Variants in ADAMTS9 observed in about 807,000 individuals in gnomAD.
The protein encoded by ADAMTS9 is ADAM metallopeptidase with thrombospondin type 1 motif 9.
ADAMTS9 carries 107 observed loss-of-function variants against 257.1 expected under a neutral mutation model. That is an observed-to-expected ratio of 0.42 (90% confidence interval 0.36 to 0.49). The LOEUF (loss-of-function observed/expected upper bound fraction) is 0.49, where lower values mean the gene tolerates loss of function less well. Ranked by LOEUF, ADAMTS9 falls within the 20% of genes least tolerant of loss-of-function variation. ADAMTS9 has a pLI of 0.03. For synonymous variants in ADAMTS9, 982 were observed against 880.9 expected, an observed-to-expected ratio of 1.11 and a Z score of -2.03; for missense variants, 2,353 against 2,469.1, an observed-to-expected ratio of 0.95 and a Z score of 1.00.
intron 22 of ADAMTS9, among the ~76,000 whole-genome samples, chr3:64,608,311 G>C (rs1462828633): frequency 6.8e-6 from 1 of 146,320 alleles, no homozygotes; most frequent in Non-Finnish European, 1.5e-5. Flanking sequence ...GATTAGAATG[G>C]AGATAAATGA....
rs1185928594 is a variant in ADAMTS9, at chr3:64,631,352, C to T, written c.2389+103G>A. ...CCACTTATTTTATGAAAATCCATGACATCTGAAAGCTCTGCCTCTGCATGC... is the reference window on the plus strand; with the variant it reads ...CCACTTATTTTATGAAAATCCATGATATCTGAAAGCTCTGCCTCTGCATGC... On this transcript the variant is annotated intron_variant, in intron 16 of 39. Coordinates refer to ENST00000498707, the MANE Select transcript of ADAMTS9 (RefSeq NM_182920.2). 3 of 892,118 alleles carry T rather than the reference C, an allele frequency of 3.4e-6. No homozygotes were observed. The African/African-American group carries it at 5.0e-5, about 15-fold the overall frequency. The allele number at this position is 892,118 out of a possible 1,614,324, so 55.3% of individuals were successfully genotyped here.
intron 19 of ADAMTS9, among the ~76,000 whole-genome samples, chr3:64,618,283 C>A (rs1460590643): frequency 2.0e-5 from 3 of 152,096 alleles, no homozygotes; most frequent in Non-Finnish European, 2.9e-5. Flanking sequence ...ATTAGAGGTG[C>A]TATTATTACC....
intron 22 of ADAMTS9, among the ~76,000 whole-genome samples, chr3:64,611,600 C>A (rs1414551195): frequency 6.6e-6 from 1 of 152,150 alleles, no homozygotes; most frequent in Non-Finnish European, 1.5e-5. Flanking sequence ...TGGGATGAAA[C>A]TGTTCCACCT....
chr3:64,657,996 T>C (rs1462706526), intron 4 of ADAMTS9, among the ~76,000 whole-genome samples: 4 of 152,178 alleles, frequency 2.6e-5, no homozygotes, highest in Non-Finnish European at 5.9e-5. Flanking sequence ...AGGCTATTTT[T>C]AGAAGTTCCA....
At chr3:64,588,558 C>A (rs1304984914) in intron 28 of ADAMTS9, 1 of 151,998 alleles carries the variant, frequency 6.6e-6, no homozygotes, top group Non-Finnish European at 1.5e-5. Flanking sequence ...TGGACTCAAC[C>A]TCTACCTCCC....
At chr3:64,550,519 C>A in intron 31 of ADAMTS9, 1 of 190,148 alleles carries the variant, frequency 5.3e-6, no homozygotes, top group Non-Finnish European at 1.1e-5. Context: ...GTCACAGTTG[C>A]CATCTCTCCT....
intron 38 of ADAMTS9, among the ~76,000 whole-genome samples, chr3:64,523,435 T>A (rs1378138580): frequency 6.6e-6 from 1 of 152,096 alleles, no homozygotes; most frequent in East Asian, 1.9e-4. Context: ...AGTGGAATAG[T>A]TTATGGAACA....
At chr3:64,628,715 G>A (rs1044408329) in intron 16 of ADAMTS9, among the ~76,000 whole-genome samples, 4 of 152,246 alleles carry the variant, frequency 2.6e-5, no homozygotes, top group Non-Finnish European at 4.4e-5. Context: ...AAGGCTTTAC[G>A]GCCCTTGAAA....
chr3:64,647,114 T>C lies in ADAMTS9; in HGVS notation c.1710+826A>G, dbSNP rs535654476. ...AGAGGAGGGAAAAAAGGGAAAAATA[T>C]ATATAAGGATAACAAAACACTCAGA... On this transcript the variant is annotated intron_variant, in intron 11 of 39. Coordinates refer to ENST00000498707, the MANE Select transcript of ADAMTS9 (RefSeq NM_182920.2). Among the ~76,000 whole-genome samples, 90 of 152,206 alleles carry C rather than the reference T, an allele frequency of 5.9e-4. 1 individual carries two copies. In the South Asian group the frequency reaches 0.012, roughly 20 times the overall value.
rs1356896501 is a variant in ADAMTS9, at chr3:64,550,991, C to A, written c.4770G>T (p.Val1590=). Residue 1590 remains valine (V), a synonymous_variant, in exon 31 of 40, where the codon GTG becomes GTT. Coordinates refer to ENST00000498707, the MANE Select transcript of ADAMTS9 (RefSeq NM_182920.2). ...TGCTCACGTCACAGCGTGCCCCATG[C>A]ACCTCGTTTTTGTTGTCATCCACAC... The part of the protein sequence containing the change: ...VVCVDDNKNE[V]HGARCDVSKR... 6.2e-7 allele frequency: 1 copy of A among 1,614,090 alleles called. No homozygotes were observed. The highest frequency in any genetic ancestry group is 8.5e-7 in the Non-Finnish European group (1 of 1,180,032).
At chr3:64,627,976 C>T (rs1033202780) in intron 16 of ADAMTS9, among the ~76,000 whole-genome samples, 2 of 152,168 alleles carry the variant, frequency 1.3e-5, no homozygotes, top group Admixed American at 1.3e-4. Context: ...TTGATGACAA[C>T]ATCAAATTCT....
At chr3:64,668,808 G>C (rs978785211) in intron 3 of ADAMTS9, among the ~76,000 whole-genome samples, 2 of 152,150 alleles carry the variant, frequency 1.3e-5, no homozygotes, top group Non-Finnish European at 2.9e-5. Context: ...GCTGAATGTG[G>C]TGCCTGTGGT....
At chr3:64,647,315 G>A (rs1162205605) in intron 11 of ADAMTS9, among the ~76,000 whole-genome samples, 1 of 152,052 alleles carries the variant, frequency 6.6e-6, no homozygotes, top group African/African-American at 2.4e-5. Context: ...GGTACAGAAG[G>A]TTAAGTTAAT....
intron 29 of ADAMTS9, among the ~76,000 whole-genome samples, chr3:64,566,388 G>T (rs1004110563): frequency 6.6e-6 from 1 of 152,124 alleles, no homozygotes; most frequent in African/African-American, 2.4e-5. Context: ...TTATAAGGCT[G>T]GCCACAGACC....
chr3:64,539,434 T>C, intron 36 of ADAMTS9, 140 bp from the exon 37 acceptor site: 1 of 726,124 alleles, frequency 1.4e-6, no homozygotes, highest in East Asian at 2.7e-5. Context: ...ATGTGAAATA[T>C]TAGTGGGTAA....
intron 19 of ADAMTS9, among the ~76,000 whole-genome samples, chr3:64,620,882 A>C (rs1261214324): frequency 6.6e-6 from 1 of 152,144 alleles, no homozygotes; most frequent in African/African-American, 2.4e-5. Flanking sequence ...TTTTTTTGGC[A>C]AGTGCCATAC....
At chr3:64,621,278 A>C in intron 18 of ADAMTS9, 38 bp from the exon 19 acceptor site, 1 of 1,583,494 alleles carries the variant, frequency 6.3e-7, no homozygotes, top group Non-Finnish European at 8.6e-7. Context: ...CAGGGAAAAT[A>C]ATCTATTCCA....
intron 23 of ADAMTS9, 26 bp from the exon 24 acceptor site, chr3:64,604,357 CAA>C (rs1553708250): frequency 6.7e-7 from 1 of 1,481,988 alleles, no homozygotes; most frequent in African/African-American, 1.4e-5. Flanking sequence ...GAAAAAAAAA[CAA>C]AGTCACTTTC....
At chr3:64,567,816 A>G (rs2083580069) in intron 29 of ADAMTS9, among the ~76,000 whole-genome samples, 1 of 152,006 alleles carries the variant, frequency 6.6e-6, no homozygotes, top group African/African-American at 2.4e-5. Context: ...TTAAATCGTC[A>G]TAAGAGCCAT....
Sources: allele counts gnomAD v4.1 joint callset (sites outside exome capture counted in the v4.1 genomes callset), GRCh38; gene constraint gnomAD v4.1.1; transcripts MANE v1.5; gene names NCBI Gene and HGNC (gene_info 2026-07-23, HGNC 2026-07-21).